Variants in RTKN2 observed in about 807,000 individuals in gnomAD.
The protein encoded by RTKN2 is rhotekin 2.
Under a neutral mutation model 71.5 loss-of-function variants are expected in RTKN2, and 69 were observed. That is an observed-to-expected ratio of 0.96 (90% confidence interval 0.79 to 1.18). The LOEUF (loss-of-function observed/expected upper bound fraction) is 1.18. RTKN2 is among the 50% of genes most tolerant of loss of function. The pLI is 0.00. For synonymous variants in RTKN2, 236 were observed against 236.5 expected, an observed-to-expected ratio of 1.00 and a Z score of 0.02; for missense variants, 724 against 719.7, an observed-to-expected ratio of 1.01 and a Z score of -0.07.
At position 62,268,584 on chromosome 10, in the gene RTKN2, A is replaced by C. The variant is rs764138807; in HGVS notation, c.27T>G (p.Pro9=). MEGPSLRG[P]ALRLAGLPTQ... ...TGGGAAGCCCCGCCAGGCGGAGCGC[A>C]GGACCCCTCAGGCTCGGCCCCTCCA... Residue 9 remains proline (P), a synonymous_variant, in exon 1 of 12, where the codon CCT becomes CCG. Transcript: ENST00000373789. The C allele has an allele frequency of 3.4e-5, 53 of 1,565,614 alleles. No individual in the cohort carries two copies. In the Admixed American group the frequency reaches 9.6e-4, roughly 28 times the overall value.
chr10:62,248,862 T>C (rs1184363213), intron 2 of RTKN2, among the ~76,000 whole-genome samples: 1 of 152,182 alleles, frequency 6.6e-6, no homozygotes, highest in South Asian at 2.1e-4. Flanking sequence ...AATAGCCCAA[T>C]GATGAAAGCA....
At chr10:62,258,822 G>A (rs893353435) in intron 2 of RTKN2, among the ~76,000 whole-genome samples, 3 of 152,106 alleles carry the variant, frequency 2.0e-5, no homozygotes, top group Non-Finnish European at 4.4e-5. Flanking sequence ...ATGGCAGCTT[G>A]GAGCAATAGT....
At chr10:62,213,689 AG>A (rs1434400967) in intron 9 of RTKN2, among the ~76,000 whole-genome samples, 4 of 152,122 alleles carry the variant, frequency 2.6e-5, no homozygotes, top group Non-Finnish European at 5.9e-5. Flanking sequence ...ATGATATCAA[AG>A]TCTTATGTTC....
At chr10:62,185,573 C>T (rs530401925) in intron 8 of RTKN2, among the ~76,000 whole-genome samples, 2 of 152,048 alleles carry the variant, frequency 1.3e-5, no homozygotes, top group African/African-American at 2.4e-5. Context: ...GAATGGAGAT[C>T]GTGCCACTGC....
chr10:62,259,331 T>C (rs1162350394), intron 2 of RTKN2: 1 of 261,462 alleles, frequency 3.8e-6, no homozygotes, highest in East Asian at 1.3e-4. Context: ...ACTAATACAA[T>C]ATCTTTCTCC....
Position 62,194,536 on chromosome 10 carries a change from T to C in RTKN2, c.*3372A>G. The stretch of plus-strand genomic sequence containing the variant: ...TAAATTCAGACCACAGGGACAGATA[T>C]TTTTCTTGCAGAGCAGTTCTTGCTC... On this transcript the variant is annotated 3_prime_UTR_variant, in exon 12 of 12. Transcript: ENST00000373789. 2.0e-6 allele frequency: 2 copies of C among 985,162 alleles called. No homozygotes were observed. The highest frequency in any genetic ancestry group is 2.4e-6 in the Non-Finnish European group (2 of 829,680). The allele number at this position is 985,162 out of a possible 1,614,324, so 61.0% of individuals were successfully genotyped here.
chr10:62,268,408 C>T, intron 1 of RTKN2, 143 bp downstream of exon 1: 1 of 830,668 alleles, frequency 1.2e-6, no homozygotes, highest in South Asian at 1.5e-5. Context: ...AGCGCAGTCT[C>T]CTAATCCCTC....
chr10:62,228,434 C>T (rs377063205), intron 6 of RTKN2, among the ~76,000 whole-genome samples: 9 of 152,180 alleles, frequency 5.9e-5, no homozygotes, highest in East Asian at 1.9e-4. Context: ...TTGACCTTGA[C>T]GAGACTAGTT....
intron 2 of RTKN2, among the ~76,000 whole-genome samples, chr10:62,252,544 A>G (rs564799223): frequency 1.3e-5 from 2 of 152,268 alleles, no homozygotes; most frequent in South Asian, 4.1e-4. Flanking sequence ...AACAAAGGTG[A>G]AGATATGACT....
chr10:62,185,760 G>A (rs1841126028), intron 8 of RTKN2, among the ~76,000 whole-genome samples: 1 of 152,184 alleles, frequency 6.6e-6, no homozygotes, highest in South Asian at 2.1e-4. Context: ...AGTTACATGT[G>A]ACTGCTGACT....
rs1409401434 is a variant in RTKN2, at chr10:62,195,208, TTC to T, written c.*2698_*2699del. On this transcript the variant is annotated 3_prime_UTR_variant, in exon 12 of 12. Coordinates refer to ENST00000373789, the MANE Select transcript of RTKN2 (RefSeq NM_145307.4). The stretch of plus-strand genomic sequence containing the variant: ...GAATTATCATATCATAAAATATCTA[TTC>T]TGTTTCCCCAATTATATTATCAAGA... The T allele has an allele frequency of 2.0e-6, 2 of 978,478 alleles. No individual in the cohort carries two copies. Among genetic ancestry groups the T allele is most frequent in the Non-Finnish European group, 2.4e-6 (2 of 823,760 alleles). The allele number at this position is 978,478 out of a possible 1,614,324, so 60.6% of individuals were successfully genotyped here.
chr10:62,222,549 G>T (rs1047416577), intron 7 of RTKN2, among the ~76,000 whole-genome samples: 1 of 152,186 alleles, frequency 6.6e-6, no homozygotes, highest in East Asian at 1.9e-4. Flanking sequence ...CCTTACAACA[G>T]TAAGTATAAT....
At chr10:62,265,991 T>C (rs1003364622) in intron 1 of RTKN2, among the ~76,000 whole-genome samples, 5 of 152,254 alleles carry the variant, frequency 3.3e-5, no homozygotes, top group South Asian at 4.1e-4. Flanking sequence ...ACCATTCCTT[T>C]TAGGATTGTT....
chr10:62,188,891 G>A (rs1021646422), downstream of RTKN2, among the ~76,000 whole-genome samples: 9 of 151,764 alleles, frequency 5.9e-5, no homozygotes, highest in Admixed American at 2.6e-4. Context: ...GGGACTACAG[G>A]CGCTTGCCAC....
At position 62,211,571 on chromosome 10, in the gene RTKN2, CA is replaced by C. The variant is rs542572584; in HGVS notation, c.1020+5546del. 4.2e-3 allele frequency among the ~76,000 whole-genome samples: 644 copies of C among 152,168 alleles called. 4 individuals are homozygous for C. The highest frequency in any genetic ancestry group is 7.0e-3 in the Non-Finnish European group (477 of 67,998). Reference sequence around the variant, plus strand: ...GAAAAGAAGAAAGACAATCAAAAGACAAAAAACTCTGATTTGTATTTAATGT... The same window carrying C: ...GAAAAGAAGAAAGACAATCAAAAGACAAAAACTCTGATTTGTATTTAATGT... On this transcript the variant is annotated intron_variant, in intron 9 of 11. Coordinates refer to ENST00000373789, the MANE Select transcript of RTKN2 (RefSeq NM_145307.4).
At chr10:62,207,504 G>A (rs1841571525) in intron 9 of RTKN2, among the ~76,000 whole-genome samples, 1 of 151,702 alleles carries the variant, frequency 6.6e-6, no homozygotes, top group Admixed American at 6.6e-5. Context: ...GTTCATGCAA[G>A]CTGTTTTTTC....
rs577491242 is a variant in RTKN2 at position 62,228,582 on chromosome 10, A to G, written c.687-5250T>C. Among the ~76,000 whole-genome samples, 316 of 152,348 alleles carry G rather than the reference A, an allele frequency of 2.1e-3. 2 individuals carry two copies. The highest frequency in any genetic ancestry group is 3.7e-3 in the Non-Finnish European group (249 of 68,028). Reference sequence around the variant, plus strand: ...GTTATGAAATAAAAAATTATTTTCCATGAAGGATAGTTATGAAATTGAAGG... The same window carrying G: ...GTTATGAAATAAAAAATTATTTTCCGTGAAGGATAGTTATGAAATTGAAGG... On this transcript the variant is annotated intron_variant, in intron 6 of 11. Transcript: ENST00000373789.
intron 9 of RTKN2, among the ~76,000 whole-genome samples, chr10:62,213,016 G>A (rs1054099754): frequency 2.0e-5 from 3 of 152,076 alleles, no homozygotes; most frequent in African/African-American, 4.8e-5. Context: ...AAGATACCAA[G>A]TATTTATCCT....
rs566823553 is a variant in RTKN2, at chr10:62,198,009, C to T, written c.1729G>A (p.Asp577Asn). 2 of 1,614,004 alleles carry T rather than the reference C, an allele frequency of 1.2e-6. No individual in the cohort carries two copies. The highest frequency in any genetic ancestry group is 1.7e-6 in the Non-Finnish European group (2 of 1,179,918). The change falls in exon 12 of 12, where the codon GAC (aspartate) becomes AAC (asparagine). Residue 577 changes from aspartate (D) to asparagine (N), a missense_variant. By Grantham distance (23) the Asp-to-Asn change is conservative (BLOSUM62 1). Coordinates refer to ENST00000373789, the MANE Select transcript of RTKN2 (RefSeq NM_145307.4). ...TTGGCTTCAAAATTGGTTTTAGTGTCTGTGTGCTCACCATCACTTAATCTA... is the reference window on the plus strand; with the variant it reads ...TTGGCTTCAAAATTGGTTTTAGTGTTTGTGTGCTCACCATCACTTAATCTA... The part of the protein sequence containing the change: ...RNRLSDGEHT[D>N]TKTNFEAKPV...
Sources: gnomAD v4.1 joint callset for allele counts (sites outside exome capture counted in the v4.1 genomes callset) on GRCh38, gnomAD v4.1.1 for gene constraint, MANE v1.5 for transcripts, NCBI Gene and HGNC (gene_info 2026-07-23, HGNC 2026-07-21) for gene names.